Variants in SLC9B2 observed in about 807,000 individuals in gnomAD.
SLC9B2 encodes sodium/hydrogen exchanger 9B2.
Under a neutral mutation model 52.2 loss-of-function variants are expected in SLC9B2, and 39 were observed. That is an observed-to-expected ratio of 0.75 (90% CI 0.58 to 0.98). SLC9B2 has a LOEUF of 0.98. Among genes scored for constraint, SLC9B2 ranks in the 50% least tolerant of loss-of-function variants. The pLI, the probability that SLC9B2 is intolerant of heterozygous loss-of-function variation, is 0.00. For missense variants in SLC9B2, 626 were observed against 637.5 expected, an observed-to-expected ratio of 0.98 and a Z score of 0.19; for synonymous variants, 214 against 227.0, an observed-to-expected ratio of 0.94 and a Z score of 0.51.
rs1260780328 is a variant in SLC9B2, at chr4:103,023,572, CA to C, written c.*2797del. On this transcript the variant is annotated 3_prime_UTR_variant, in exon 12 of 12. Coordinates refer to ENST00000394785, the MANE Select transcript of SLC9B2 (RefSeq NM_178833.7). ...TCACCATCTCCATGATATATAACAG[CA>C]ACATAGTCTTATAGCAATTAATAAA... 3.3e-5 allele frequency among the ~76,000 whole-genome samples: 5 copies of C among 152,130 alleles called. No homozygotes were observed. Among genetic ancestry groups the C allele is most frequent in the African/African-American group, 1.2e-4 (5 of 41,420 alleles).
Position 103,050,317 on chromosome 4 carries a change from G to A in SLC9B2, c.508C>T (p.His170Tyr). The change falls in exon 5 of 12, where the codon CAC becomes TAC. Residue 170 changes from histidine (H) to tyrosine (Y), a missense_variant. Coordinates refer to ENST00000394785, the MANE Select transcript of SLC9B2 (RefSeq NM_178833.7). ...PVINDNVQIK[H>Y]KWSSSLRSIA... ...CTTCTCAAAGAGGAAGACCACTTGT[G>A]CTTGATCTGCACATTATCGTTGATG... 6.2e-7 allele frequency: 1 copy of A among 1,610,192 alleles called. No individual in the cohort carries two copies. The highest frequency in any genetic ancestry group is 8.5e-7 in the Non-Finnish European group (1 of 1,178,306).
At chr4:103,062,879 G>A (rs751908149) in intron 3 of SLC9B2, among the ~76,000 whole-genome samples, 6 of 152,068 alleles carry the variant, frequency 3.9e-5, no homozygotes, top group Non-Finnish European at 7.4e-5. Context: ...TAAAGTGCTG[G>A]GATTACAGGT....
downstream of SLC9B2, among the ~76,000 whole-genome samples, chr4:103,019,128 G>A (rs945424479): frequency 3.9e-5 from 6 of 152,206 alleles, no homozygotes; most frequent in Admixed American, 2.6e-4. Context: ...AAGCCAAGAG[G>A]AGTAAACAGG....
chr4:103,054,611 A>G (rs1448344954), intron 4 of SLC9B2, among the ~76,000 whole-genome samples: 1 of 152,238 alleles, frequency 6.6e-6, no homozygotes, highest in African/African-American at 2.4e-5. Flanking sequence ...ATGTAAATGA[A>G]TAAACGTGGG....
At chr4:103,028,606 G>A in intron 11 of SLC9B2, 141 bp downstream of exon 11, 1 of 1,060,432 alleles carries the variant, frequency 9.4e-7, no homozygotes, top group Non-Finnish European at 1.3e-6. Flanking sequence ...AGGTTTTAAA[G>A]AATAGATTAG....
downstream of SLC9B2, chr4:103,019,811 T>A: frequency 1.0e-6 from 1 of 985,658 alleles, no homozygotes; most frequent in Admixed American, 6.1e-5. Context: ...CTGGGGTTTC[T>A]GGGACTGTCT....
Position 103,070,607 on chromosome 4 carries a change from AT to A in SLC9B2, c.-42-3016del, listed in dbSNP as rs1345833791. On this transcript the variant is annotated intron_variant, in intron 1 of 11. Transcript: ENST00000394785. ...AGGTGCCCGCCACCTCGCCTGGCTA[AT>A]TTTTTGTATTTTTAGTAGAGATGGG... 4.0e-5 allele frequency among the ~76,000 whole-genome samples: 6 copies of A among 151,878 alleles called. No individual in the cohort carries two copies. The East Asian group carries it at 5.8e-4, about 15-fold the overall frequency.
At position 103,047,172 on chromosome 4, in the gene SLC9B2, C is replaced by G; in HGVS notation, c.768G>C (p.Leu256Phe). ...TCTCAACACCATAGCCTCCTCCCTGCAAAAGGAGCATTGAAGGCACCACAA... is the reference window on the plus strand; with the variant it reads ...TCTCAACACCATAGCCTCCTCCCTGGAAAAGGAGCATTGAAGGCACCACAA... ...PAVVVPSMLL[L>F]QGGGYGVEKG... is the part of the protein sequence containing the mutation. Residue 256 changes from leucine (L) to phenylalanine (F), a missense_variant, in exon 7 of 12, where the codon TTG becomes TTC. Transcript: ENST00000394785. 6.2e-7 allele frequency: 1 copy of G among 1,613,830 alleles called. No homozygotes were observed. Among genetic ancestry groups the G allele is most frequent in the South Asian group, 1.1e-5 (1 of 91,058 alleles).
At position 103,023,400 on chromosome 4, in the gene SLC9B2, A is replaced by T. The variant is rs72943510; in HGVS notation, c.*2970T>A. ...TAATTGTTTCTATCTGTGGTTTAAG[A>T]GGGGATAGGTTGAGTTGGTCAGTAC... On this transcript the variant is annotated 3_prime_UTR_variant, in exon 12 of 12. Coordinates refer to ENST00000394785, the MANE Select transcript of SLC9B2 (RefSeq NM_178833.7). Among the ~76,000 whole-genome samples the T allele has an allele frequency of 2.1e-3, 320 of 152,308 alleles. No homozygotes were observed. Among genetic ancestry groups the T allele is most frequent in the African/African-American group, 7.5e-3 (311 of 41,568 alleles).
In SLC9B2 at chr4:103,025,678, G is replaced by A. The variant is rs1193511560; in HGVS notation, c.*692C>T. On this transcript the variant is annotated 3_prime_UTR_variant, in exon 12 of 12. Coordinates refer to ENST00000394785, the MANE Select transcript of SLC9B2 (RefSeq NM_178833.7). ...AGAAACAAAAAAAGGGCTGGATTAG[G>A]GCACTCCTTAGGGGAAGGTAGACTC... The A allele has an allele frequency of 1.3e-5, 2 of 151,994 alleles. No individual in the cohort carries two copies. The highest frequency in any genetic ancestry group is 3.9e-4 in the East Asian group (2 of 5,190). 9.4% of individuals were successfully genotyped at this position (151,994 alleles called of 1,614,324 possible).
In SLC9B2 at chr4:103,061,203, T is replaced by C. The variant is rs1016713984; in HGVS notation, c.272-3232A>G. 1.1e-4 allele frequency among the ~76,000 whole-genome samples: 17 copies of C among 152,320 alleles called. No individual in the cohort carries two copies. In the South Asian group the frequency reaches 1.2e-3, roughly 11 times the overall value. Reference sequence around the variant, plus strand: ...TAAAACATGCTGCTATAAAGACACATGCACACGTACGTTTATTGAGGCACT... The same window carrying C: ...TAAAACATGCTGCTATAAAGACACACGCACACGTACGTTTATTGAGGCACT... On this transcript the variant is annotated intron_variant, in intron 3 of 11. Transcript: ENST00000394785.
chr4:103,034,885 T>C (rs1169452826), intron 9 of SLC9B2, among the ~76,000 whole-genome samples: 1 of 152,176 alleles, frequency 6.6e-6, no homozygotes, highest in African/African-American at 2.4e-5. Flanking sequence ...CTTTTGATAC[T>C]TTTTAATTTT....
chr4:103,023,431 C>G lies in SLC9B2; in HGVS notation c.*2939G>C, dbSNP rs1356046697. Among the ~76,000 whole-genome samples the G allele has an allele frequency of 6.6e-6, 1 of 152,196 alleles. No homozygotes were observed. The highest frequency in any genetic ancestry group is 1.5e-5 in the Non-Finnish European group (1 of 68,038). On this transcript the variant is annotated 3_prime_UTR_variant, in exon 12 of 12. Transcript: ENST00000394785. ...TAGGTTGAGTTGGTCAGTACTCTAT[C>G]AGGTTAACCCTAAGTTCACCAACCA...
chr4:103,055,803 C>CTTTT (rs1400053544), intron 4 of SLC9B2, among the ~76,000 whole-genome samples: 3 of 131,968 alleles, frequency 2.3e-5, no homozygotes, highest in South Asian at 2.4e-4. Context: ...ATGCAGAATT[C>CTTTT]TTTTTTTTTT....
At chr4:103,022,230 A>G (rs193195404), downstream of SLC9B2, among the ~76,000 whole-genome samples, 1 of 152,290 alleles carries the variant, frequency 6.6e-6, no homozygotes, top group Admixed American at 6.5e-5. Context: ...TGAGGGAGTA[A>G]ATGGATTTTA....
rs1742120805 is a variant in SLC9B2, at chr4:103,025,569, T to C, written c.*801A>G. On this transcript the variant is annotated 3_prime_UTR_variant, in exon 12 of 12. Coordinates refer to ENST00000394785, the MANE Select transcript of SLC9B2 (RefSeq NM_178833.7). Reference sequence around the variant, plus strand: ...TCTTCATTATAGCACATTACCCTAATGTAATATTCATAAGACTGGCATAGA... The same window carrying C: ...TCTTCATTATAGCACATTACCCTAACGTAATATTCATAAGACTGGCATAGA... 1.3e-5 allele frequency: 2 copies of C among 152,030 alleles called. No homozygotes were observed. The highest frequency in any genetic ancestry group is 1.5e-5 in the Non-Finnish European group (1 of 68,006). The allele number at this position is 152,030 out of a possible 1,614,324, so 9.4% of individuals were successfully genotyped here.
intron 4 of SLC9B2, among the ~76,000 whole-genome samples, chr4:103,056,675 C>T (rs1317731754): frequency 6.6e-6 from 1 of 152,204 alleles, no homozygotes; most frequent in Non-Finnish European, 1.5e-5. Flanking sequence ...ATGTGCAGCA[C>T]ACAGTTTACA....
chr4:103,044,281 T>A (rs1482776928), intron 8 of SLC9B2, among the ~76,000 whole-genome samples: 1 of 152,224 alleles, frequency 6.6e-6, no homozygotes, highest in Non-Finnish European at 1.5e-5. Context: ...TCGGTTGTAC[T>A]AGAGCAGTGT....
chr4:103,035,134 C>T (rs146360060), intron 9 of SLC9B2, among the ~76,000 whole-genome samples: 2 of 152,014 alleles, frequency 1.3e-5, no homozygotes, highest in Non-Finnish European at 2.9e-5. Flanking sequence ...TCTCCCTCCT[C>T]CCACCCTCCA....
Sources: allele counts gnomAD v4.1 joint callset (sites outside exome capture counted in the v4.1 genomes callset), GRCh38; gene constraint gnomAD v4.1.1; transcripts MANE v1.5; gene names NCBI Gene and HGNC (gene_info 2026-07-23, HGNC 2026-07-21).